The following RHPN2 variants were observed in gnomAD, a reference collection of about 807,000 sequenced individuals.
RHPN2 encodes the protein rhophilin-2.
A neutral mutation model predicts 79.0 loss-of-function variants in RHPN2; 40 were observed. That is an observed-to-expected ratio of 0.51 (90% confidence interval 0.39 to 0.66). The LOEUF is 0.66. Among genes scored for constraint, RHPN2 ranks in the 30% least tolerant of loss-of-function variants. RHPN2 has a pLI of 0.00. For synonymous variants in RHPN2, 285 were observed against 363.5 expected (o/e 0.78, Z 2.46); for missense variants, 686 against 883.5 (o/e 0.78, Z 2.83).
intron 1 of RHPN2, among the ~76,000 whole-genome samples, chr19:33,059,947 C>T (rs964835317): frequency 1.3e-5 from 2 of 152,152 alleles, no homozygotes; most frequent in Non-Finnish European, 2.9e-5. Flanking sequence ...CTCAATACCC[C>T]AACTGCCTCC....
chr19:33,029,764 G>A (rs776804613), intron 2 of RHPN2, among the ~76,000 whole-genome samples: 10 of 152,092 alleles, frequency 6.6e-5, no homozygotes, highest in Non-Finnish European at 1.0e-4. Context: ...TATGGTTTAC[G>A]ACAGCAAAAG....
chr19:33,055,363 T>TAAA (rs1355476023), intron 1 of RHPN2, among the ~76,000 whole-genome samples: 1 of 142,192 alleles, frequency 7.0e-6, no homozygotes. Context: ...CTGTCATCTT[T>TAAA]AAAAAAAAAA....
At chr19:32,982,333 G>A (rs1568307517) in intron 14 of RHPN2, among the ~76,000 whole-genome samples, 1 of 152,054 alleles carries the variant, frequency 6.6e-6, no homozygotes, top group Non-Finnish European at 1.5e-5. Context: ...CTTGAACCCA[G>A]GAGGCGGAGG....
intron 13 of RHPN2, 88 bp downstream of exon 13, chr19:32,991,735 G>C: frequency 1.3e-6 from 2 of 1,505,318 alleles, no homozygotes; most frequent in South Asian, 2.3e-5. Flanking sequence ...TTCACATCAA[G>C]TCAGGCCTTT....
chr19:33,038,203 G>A (rs192284969), intron 2 of RHPN2, among the ~76,000 whole-genome samples: 7 of 151,900 alleles, frequency 4.6e-5, no homozygotes, highest in Non-Finnish European at 8.8e-5. Context: ...ACAAAAATTA[G>A]CTGGGCATGG....
rs373857308 is a variant in RHPN2 at position 33,034,712 on chromosome 19, C to T, written c.186-8080G>A. Among the ~76,000 whole-genome samples the T allele has an allele frequency of 3.0e-5, 4 of 133,090 alleles. No individual in the cohort carries two copies. In the East Asian group the frequency reaches 7.7e-4, roughly 26 times the overall value. The allele number at this position is 133,090 out of a possible 152,430, so 87.3% of individuals were successfully genotyped here. ...AGGAGAATCGCTTGAACCTGGGAGG[C>T]GGAGGCTGTGGTGAGCCAAGATCAT... On this transcript the variant is annotated intron_variant, in intron 2 of 14. Transcript: ENST00000254260.
rs147967421 is a variant in RHPN2 at position 32,980,232 on chromosome 19, C to G, written c.1825G>C (p.Val609Leu). 1 of 1,613,830 alleles carries G rather than the reference C, an allele frequency of 6.2e-7. No homozygotes were observed. The highest frequency in any genetic ancestry group is 8.5e-7 in the Non-Finnish European group (1 of 1,179,848). ...SMHNKSATYSVGMQKTYSMIC... is the reference protein window; with the variant it reads ...SMHNKSATYSLGMQKTYSMIC... The stretch of plus-strand genomic sequence containing the variant: ...ATGGAGTACGTTTTCTGCATTCCCA[C>G]GGAGTATGTGGCACTCTTATTATGC... The change falls in exon 15 of 15, where the codon GTG becomes CTG. Residue 609 changes from valine to leucine, a missense_variant. Physicochemically the swap from Val to Leu is conservative, Grantham distance 32 (BLOSUM62 1). Coordinates refer to ENST00000254260, the MANE Select transcript of RHPN2 (RefSeq NM_033103.5).
chr19:33,051,641 C>A (rs1972188943), intron 1 of RHPN2: 2 of 190,740 alleles, frequency 1.0e-5, no homozygotes, highest in African/African-American at 2.4e-5. Flanking sequence ...TAGGTGAAAT[C>A]TGTTCAGTGA....
At chr19:33,034,334 G>A (rs1022033231) in intron 2 of RHPN2, among the ~76,000 whole-genome samples, 9 of 151,544 alleles carry the variant, frequency 5.9e-5, no homozygotes, top group African/African-American at 1.9e-4. Flanking sequence ...GGCCGGGCGC[G>A]GTGGCTCATG....
chr19:33,064,755 T>TGGGCCCG, intron 1 of RHPN2, 29 bp downstream of exon 1: 1 of 1,427,948 alleles, frequency 7.0e-7, no homozygotes. Context: ...AGCCCGCAGG[T>TGGGCCCG]CCCCGCCCGC....
rs577878747 is a variant in RHPN2 at position 33,032,143 on chromosome 19, C to T, written c.186-5511G>A. On this transcript the variant is annotated intron_variant, in intron 2 of 14. Coordinates refer to ENST00000254260, the MANE Select transcript of RHPN2 (RefSeq NM_033103.5). ...TCAAGCAATTCTCCTGCCTCAGGCT[C>T]CCGAGTAGCTGGGATTACAGGAGCC... is the stretch of plus-strand genomic sequence containing the variant. 1.0e-3 allele frequency among the ~76,000 whole-genome samples: 158 copies of T among 151,402 alleles called. 2 individuals carry two copies. The Middle Eastern group carries it at 0.017, about 17-fold the overall frequency.
intron 1 of RHPN2, among the ~76,000 whole-genome samples, chr19:33,060,964 G>A (rs1342889886): frequency 6.6e-6 from 1 of 152,096 alleles, no homozygotes; most frequent in Non-Finnish European, 1.5e-5. Context: ...TTTCCCATTC[G>A]CCACCCATTC....
chr19:33,035,371 G>GCTCCCAA (rs1972047916), intron 2 of RHPN2, among the ~76,000 whole-genome samples: 1 of 152,160 alleles, frequency 6.6e-6, no homozygotes, highest in Non-Finnish European at 1.5e-5. Flanking sequence ...CAAAGTGCTG[G>GCTCCCAA]GATTACAGGC....
At chr19:32,985,067 C>T (rs891142134) in intron 14 of RHPN2, among the ~76,000 whole-genome samples, 5 of 151,942 alleles carry the variant, frequency 3.3e-5, no homozygotes, top group African/African-American at 7.2e-5. Context: ...GGCACAATCT[C>T]GGCTCACTGC....
intron 1 of RHPN2, among the ~76,000 whole-genome samples, chr19:33,045,591 A>G (rs1283153568): frequency 6.6e-6 from 1 of 151,670 alleles, no homozygotes; most frequent in Non-Finnish European, 1.5e-5. Flanking sequence ...CTCCTGCCTC[A>G]GCCTCCCGAG....
chr19:33,002,573 A>T (rs953210849), intron 8 of RHPN2, among the ~76,000 whole-genome samples, 170 bp from the exon 9 acceptor site: 19 of 152,288 alleles, frequency 1.2e-4, no homozygotes, highest in African/African-American at 4.6e-4. Context: ...GTCACAGTTA[A>T]CAGGGGGATC....
intron 14 of RHPN2, among the ~76,000 whole-genome samples, chr19:32,982,202 G>A (rs1971580437): frequency 6.6e-6 from 1 of 152,074 alleles, no homozygotes; most frequent in African/African-American, 2.4e-5. Flanking sequence ...GAGGCCAGGA[G>A]TTCAAGACCA....
intron 13 of RHPN2, 68 bp from the exon 14 acceptor site, chr19:32,990,737 A>C: frequency 1.3e-6 from 2 of 1,586,890 alleles, no homozygotes; most frequent in Non-Finnish European, 1.7e-6. Context: ...GTCCCCATTA[A>C]CAAAATAGGT....
intron 1 of RHPN2, among the ~76,000 whole-genome samples, chr19:33,060,847 G>A (rs1220899050): frequency 6.6e-6 from 1 of 152,108 alleles, no homozygotes; most frequent in Non-Finnish European, 1.5e-5. Flanking sequence ...CACTGTCACT[G>A]ACTGCATCAT....
Sources: allele counts gnomAD v4.1 joint callset (sites outside exome capture counted in the v4.1 genomes callset), GRCh38; gene constraint gnomAD v4.1.1; transcripts MANE v1.5; gene names NCBI Gene and HGNC (gene_info 2026-07-23, HGNC 2026-07-21).